The following RBPMS variants were observed in gnomAD, a reference collection of about 807,000 sequenced individuals.
RBPMS encodes RNA binding protein, mRNA processing factor.
RBPMS carries 7 observed loss-of-function variants against 26.8 expected under a neutral mutation model. That is an observed-to-expected ratio of 0.26 (90% CI 0.15 to 0.49). The LOEUF (loss-of-function observed/expected upper bound fraction) is 0.49. RBPMS is among the 20% of genes least tolerant of loss of function. The pLI is 0.98. For synonymous variants in RBPMS, 96 were observed against 93.3 expected (o/e 1.03, Z -0.17); for missense variants, 186 against 250.0 (o/e 0.74, Z 1.73).
intron 5 of RBPMS, among the ~76,000 whole-genome samples, chr8:30,530,449 T>C (rs138691779): frequency 1.3e-5 from 2 of 152,268 alleles, no homozygotes; most frequent in East Asian, 3.9e-4. Context: ...TGTTCTGTCA[T>C]GGGAAGTTTT....
intron 4 of RBPMS, among the ~76,000 whole-genome samples, chr8:30,486,946 G>T (rs1818857856): frequency 6.6e-6 from 1 of 152,136 alleles, no homozygotes; most frequent in South Asian, 2.1e-4. Context: ...TTTAAAAAAT[G>T]ATACCTCATT....
chr8:30,386,788 A>G (rs1009361005), intron 1 of RBPMS, among the ~76,000 whole-genome samples: 1 of 152,142 alleles, frequency 6.6e-6, no homozygotes, highest in Non-Finnish European at 1.5e-5. Context: ...TAGATGTGCA[A>G]TCTGTTTGCT....
intron 4 of RBPMS, among the ~76,000 whole-genome samples, chr8:30,491,447 C>T (rs566101557): frequency 6.6e-6 from 1 of 152,146 alleles, no homozygotes; most frequent in Admixed American, 6.5e-5. Flanking sequence ...TGGTTGGGCA[C>T]ACACAGGGTG....
Position 30,388,948 on chromosome 8 carries a change from C to T in RBPMS, c.66+3790C>T, listed in dbSNP as rs183328657. 7.5e-3 allele frequency among the ~76,000 whole-genome samples: 1,141 copies of T among 152,278 alleles called. 11 individuals are homozygous for T. The highest frequency in any genetic ancestry group is 0.02 in the Middle Eastern group (6 of 294). On this transcript the variant is annotated intron_variant, in intron 1 of 8. Transcript: ENST00000397323. The stretch of plus-strand genomic sequence containing the variant: ...ACAGTCAGTTCTTCTGAGGTTAATA[C>T]AAACCTTTACTTTGCATTCCTTCTT...
intron 4 of RBPMS, among the ~76,000 whole-genome samples, chr8:30,492,118 C>T (rs1156924166): frequency 6.6e-6 from 1 of 152,192 alleles, no homozygotes; most frequent in African/African-American, 2.4e-5. Flanking sequence ...TCTCGAACTC[C>T]TGACCTCAGG....
At chr8:30,436,743 G>T (rs1374240501) in intron 1 of RBPMS, among the ~76,000 whole-genome samples, 5 of 152,120 alleles carry the variant, frequency 3.3e-5, no homozygotes, top group Non-Finnish European at 7.4e-5. Flanking sequence ...ATTCTTCCAT[G>T]CAGTTGTGGT....
rs1457900039 is a variant in RBPMS at position 30,504,563 on chromosome 8, C to G, written c.397+127C>G. ...TTTTCCATTTCTGTGAAGAGGTTGC[C>G]TAGGCGTTCTTGGTGTCAGAATTCC... On this transcript the variant is annotated intron_variant, in intron 5 of 8. Transcript: ENST00000397323. The G allele has an allele frequency of 2.5e-5, 23 of 904,168 alleles. No individual in the cohort carries two copies. The East Asian group carries it at 6.1e-4, about 24-fold the overall frequency. 56.0% of individuals were successfully genotyped at this position (904,168 alleles called of 1,614,324 possible).
chr8:30,554,067 C>A (rs780382006), intron 6 of RBPMS, among the ~76,000 whole-genome samples: 1 of 152,238 alleles, frequency 6.6e-6, no homozygotes, highest in Non-Finnish European at 1.5e-5. Context: ...TGAGCCACGG[C>A]GCCCTGCCCA....
chr8:30,548,451 T>C (rs114562749), intron 6 of RBPMS, among the ~76,000 whole-genome samples: 1,719 of 152,326 alleles, frequency 0.011, 39 homozygotes, highest in African/African-American at 0.038. Flanking sequence ...GAGAAAGTCC[T>C]GGTTACCTAA....
At chr8:30,539,473 C>T (rs1271798877) in intron 5 of RBPMS, among the ~76,000 whole-genome samples, 1 of 151,924 alleles carries the variant, frequency 6.6e-6, no homozygotes, top group Non-Finnish European at 1.5e-5. Flanking sequence ...GATCTTGGTG[C>T]CTTTATGTGC....
intron 4 of RBPMS, among the ~76,000 whole-genome samples, chr8:30,480,745 T>C (rs1425091923): frequency 6.6e-6 from 1 of 152,244 alleles, no homozygotes; most frequent in Non-Finnish European, 1.5e-5. Context: ...GATTTTTGCA[T>C]TGAATACGTA....
At chr8:30,510,422 C>T (rs1312591836) in intron 5 of RBPMS, among the ~76,000 whole-genome samples, 1 of 151,962 alleles carries the variant, frequency 6.6e-6, no homozygotes, top group East Asian at 1.9e-4. Context: ...GTTTGAGTAG[C>T]TTTCCCAAAG....
At chr8:30,507,204 A>C (rs575538963) in intron 5 of RBPMS, among the ~76,000 whole-genome samples, 1 of 152,332 alleles carries the variant, frequency 6.6e-6, no homozygotes, top group South Asian at 2.1e-4. Flanking sequence ...AATCCTGTCG[A>C]TAATTCTGCC....
At chr8:30,505,047 T>C (rs1365148465) in intron 5 of RBPMS, among the ~76,000 whole-genome samples, 1 of 152,234 alleles carries the variant, frequency 6.6e-6, no homozygotes, top group African/African-American at 2.4e-5. Flanking sequence ...AGACGTCTTC[T>C]ACCCCACATT....
intron 1 of RBPMS, among the ~76,000 whole-genome samples, chr8:30,436,786 T>C (rs1812497744): frequency 6.6e-6 from 1 of 152,198 alleles, no homozygotes; most frequent in African/African-American, 2.4e-5. Context: ...AAGAATTCGT[T>C]GTGTCAAATT....
At chr8:30,506,910 G>A (rs1422650653) in intron 5 of RBPMS, among the ~76,000 whole-genome samples, 1 of 152,184 alleles carries the variant, frequency 6.6e-6, no homozygotes, top group Admixed American at 6.5e-5. Flanking sequence ...CAATGTGCTA[G>A]ACCCTGGAGA....
At chr8:30,553,352 G>A (rs1826554823) in intron 6 of RBPMS, 1 of 152,310 alleles carries the variant, frequency 6.6e-6, no homozygotes, top group Non-Finnish European at 1.5e-5. Context: ...AAAGAATCTT[G>A]CAATCAGCGC....
Position 30,549,919 on chromosome 8 carries a change from C to T in RBPMS, c.528+5295C>T, listed in dbSNP as rs573808733. Among the ~76,000 whole-genome samples the T allele has an allele frequency of 5.4e-5, 8 of 149,452 alleles. No individual in the cohort carries two copies. In the South Asian group the frequency reaches 1.1e-3, roughly 20 times the overall value. On this transcript the variant is annotated intron_variant, in intron 6 of 8. Coordinates refer to ENST00000397323, the MANE Select transcript of RBPMS (RefSeq NM_001008710.3). ...AGGCTGGAGTGCAGTGGTGTGATCT[C>T]GGCTCACTGCAAGCTCCGCCTCCCG...
intron 7 of RBPMS, chr8:30,564,161 GGT>G (rs1827718909): frequency 6.6e-6 from 1 of 152,162 alleles, no homozygotes; most frequent in Admixed American, 6.5e-5. Flanking sequence ...CGCCTGAGAA[GGT>G]AACATCTCAG....
Sources: gnomAD v4.1 joint callset for allele counts (sites outside exome capture counted in the v4.1 genomes callset) on GRCh38, gnomAD v4.1.1 for gene constraint, MANE v1.5 for transcripts, NCBI Gene and HGNC (gene_info 2026-07-23, HGNC 2026-07-21) for gene names.